Variants in GRID1 observed in about 807,000 individuals in gnomAD.
GRID1 encodes the protein glutamate ionotropic receptor delta type subunit 1.
A neutral mutation model predicts 98.0 loss-of-function variants in GRID1; 28 were observed. The ratio of observed to expected loss-of-function variants is 0.29; its 90% CI spans 0.21 to 0.39. The LOEUF (loss-of-function observed/expected upper bound fraction) is 0.39, where lower values mean the gene tolerates loss of function less well. Ranked by LOEUF, GRID1 falls within the 10% of genes least tolerant of loss-of-function variation. The pLI is 1.00. For synonymous variants in GRID1, 553 were observed against 538.5 expected, an observed-to-expected ratio of 1.03 and a Z score of -0.37; for missense variants, 1,111 against 1,340.5, an observed-to-expected ratio of 0.83 and a Z score of 2.67.
intron 3 of GRID1, among the ~76,000 whole-genome samples, chr10:86,199,235 G>A (rs2814313): frequency 0.33 from 50,252 of 151,798 alleles, 8,889 homozygotes; most frequent in East Asian, 0.5. Context: ...CAACACCCAC[G>A]TCACCATTCT....
chr10:85,774,104 A>G (rs970477616), intron 8 of GRID1, among the ~76,000 whole-genome samples: 2 of 152,240 alleles, frequency 1.3e-5, no homozygotes, highest in Non-Finnish European at 2.9e-5. Context: ...CCAAAACAGC[A>G]TGGTACTGGT....
chr10:85,704,512 T>C (rs1391034011), intron 12 of GRID1, among the ~76,000 whole-genome samples: 2 of 152,076 alleles, frequency 1.3e-5, no homozygotes, highest in Non-Finnish European at 1.5e-5. Context: ...TCCCACACAA[T>C]AATAATGGGA....
chr10:85,772,496 G>A (rs1842281981), intron 8 of GRID1, among the ~76,000 whole-genome samples: 1 of 150,030 alleles, frequency 6.7e-6, no homozygotes, highest in South Asian at 2.1e-4. Flanking sequence ...AGGAAATAGA[G>A]ACACAAAAAA....
At chr10:86,204,046 G>A (rs540260412) in intron 3 of GRID1, among the ~76,000 whole-genome samples, 2 of 152,284 alleles carry the variant, frequency 1.3e-5, no homozygotes, top group Non-Finnish European at 2.9e-5. Context: ...GGTAGCAAAG[G>A]TGTCCATGTC....
intron 4 of GRID1, among the ~76,000 whole-genome samples, chr10:86,119,930 A>T (rs573025810): frequency 2.6e-5 from 4 of 151,924 alleles, no homozygotes; most frequent in Non-Finnish European, 4.4e-5. Context: ...AGCTGGGACT[A>T]CAGGTACCCG....
At chr10:86,056,158 C>A (rs1328779196) in intron 4 of GRID1, among the ~76,000 whole-genome samples, 1 of 152,190 alleles carries the variant, frequency 6.6e-6, no homozygotes, top group Admixed American at 6.5e-5. Context: ...ACCCTTGGGG[C>A]TGCCTCCTGC....
intron 4 of GRID1, among the ~76,000 whole-genome samples, chr10:86,134,743 G>T (rs1395721836): frequency 6.6e-6 from 1 of 152,142 alleles, no homozygotes; most frequent in African/African-American, 2.4e-5. Flanking sequence ...CAGAGTTAGT[G>T]CAAGTTCATT....
chr10:86,074,808 G>A (rs1564667007), intron 4 of GRID1, among the ~76,000 whole-genome samples: 1 of 152,218 alleles, frequency 6.6e-6, no homozygotes, highest in South Asian at 2.1e-4. Flanking sequence ...GATGGTGCAG[G>A]ACAGGGCTCC....
chr10:86,241,448 G>T (rs547369362), intron 2 of GRID1, among the ~76,000 whole-genome samples: 3 of 152,320 alleles, frequency 2.0e-5, no homozygotes, highest in East Asian at 1.9e-4. Flanking sequence ...TCTGGGCAAT[G>T]CCCCTGCCAA....
chr10:86,225,223 T>C (rs1323727584), intron 2 of GRID1, among the ~76,000 whole-genome samples: 1 of 152,072 alleles, frequency 6.6e-6, no homozygotes, highest in Non-Finnish European at 1.5e-5. Flanking sequence ...CAGTGACTTG[T>C]CCAGGAGCCC....
intron 12 of GRID1, among the ~76,000 whole-genome samples, chr10:85,702,571 G>T (rs1841464456): frequency 6.6e-6 from 1 of 152,002 alleles, no homozygotes; most frequent in South Asian, 2.1e-4. Flanking sequence ...CATATACAAA[G>T]ACCTCACTGA....
At chr10:85,827,225 G>A (rs958280648) in intron 8 of GRID1, among the ~76,000 whole-genome samples, 3 of 152,198 alleles carry the variant, frequency 2.0e-5, no homozygotes, top group African/African-American at 7.2e-5. Context: ...AGGAGTCTAA[G>A]GAATACAATA....
At chr10:85,811,558 G>A in intron 8 of GRID1, among the ~76,000 whole-genome samples, 1 of 151,780 alleles carries the variant, frequency 6.6e-6, no homozygotes, top group Admixed American at 6.6e-5. Flanking sequence ...CTTAATGAAT[G>A]GAATAAAAAA....
intron 3 of GRID1, among the ~76,000 whole-genome samples, chr10:86,148,155 C>T (rs536746423): frequency 7.2e-5 from 11 of 152,310 alleles, no homozygotes; most frequent in Admixed American, 5.2e-4. Flanking sequence ...CATAATAAAG[C>T]CTGTATTAAA....
At chr10:85,677,792 C>A (rs542299370) in intron 12 of GRID1, among the ~76,000 whole-genome samples, 1 of 152,034 alleles carries the variant, frequency 6.6e-6, no homozygotes, top group Non-Finnish European at 1.5e-5. Context: ...AGGAAAATAA[C>A]CTCTAAGAAT....
chr10:85,865,916 T>TATATATATATATATATATATATATACAC (rs1843211439), intron 6 of GRID1, among the ~76,000 whole-genome samples: 21 of 83,030 alleles, frequency 2.5e-4, no homozygotes, highest in Admixed American at 1.5e-3. Flanking sequence ...TATATACATA[T>TATATATATATATATATATATATATACAC]ATATATATAT....
intron 12 of GRID1, among the ~76,000 whole-genome samples, chr10:85,676,981 C>T (rs1841152387): frequency 6.6e-6 from 1 of 152,146 alleles, no homozygotes; most frequent in Admixed American, 6.5e-5. Context: ...GAAAACCTGA[C>T]CCTACAGTGG....
chr10:85,628,961 T>C (rs536378621), intron 13 of GRID1, among the ~76,000 whole-genome samples: 1 of 152,162 alleles, frequency 6.6e-6, no homozygotes, highest in East Asian at 1.9e-4. Flanking sequence ...GCCCTTAGCT[T>C]TGTCATGAAA....
In GRID1 at chr10:86,044,865, T is replaced by A. The variant is rs564078172; in HGVS notation, c.726+93954A>T. Among the ~76,000 whole-genome samples, 8 of 152,322 alleles carry A rather than the reference T, an allele frequency of 5.3e-5. No individual in the cohort carries two copies. In the East Asian group the frequency reaches 1.5e-3, roughly 29 times the overall value. The stretch of plus-strand genomic sequence containing the variant: ...GTACATTCTGTGTAGACTGCCGAAC[T>A]GGATGCTGTAGCAAGGAGCCTTGGT... On this transcript the variant is annotated intron_variant, in intron 4 of 15. Transcript: ENST00000327946.
Sources: gnomAD v4.1 joint callset for allele counts (sites outside exome capture counted in the v4.1 genomes callset) on GRCh38, gnomAD v4.1.1 for gene constraint, MANE v1.5 for transcripts, NCBI Gene and HGNC (gene_info 2026-07-23, HGNC 2026-07-21) for gene names.